C3orf49: variants seen among roughly 807,000 people sequenced by gnomAD.
The protein encoded by C3orf49 is chromosome 3 open reading frame 49, also known as putative uncharacterized protein C3orf49.
A neutral mutation model predicts 13.3 loss-of-function variants in C3orf49; 27 were observed. The ratio of observed to expected loss-of-function variants is 2.02; its 90% CI spans 1.49 to 2.79. C3orf49 has a LOEUF of 2.79. Among genes scored for constraint, C3orf49 ranks in the 30% most tolerant of loss-of-function variants. The pLI is 0.00. For synonymous variants in C3orf49, 87 were observed against 47.6 expected (o/e 1.83, Z -3.40); for missense variants, 242 against 134.2 (o/e 1.80, Z -3.97).
chr3:63,831,005 C>G (rs1701525038), intron 3 of C3orf49, 105 bp from the exon 4 acceptor site: 1 of 615,058 alleles, frequency 1.6e-6, no homozygotes, highest in South Asian at 2.0e-5. Flanking sequence ...GGCAAATGTT[C>G]AGTTTATAAG....
chr3:63,831,599 C>G (rs1701532068), intron 4 of C3orf49, 81 bp from the exon 5 acceptor site: 1 of 666,600 alleles, frequency 1.5e-6, no homozygotes, highest in South Asian at 1.7e-5. Flanking sequence ...GAACTCTTCT[C>G]TCAGGAAAAG....
the C3orf49 span, among the ~76,000 whole-genome samples, chr3:63,808,767 A>G: frequency 6.6e-6 from 1 of 152,176 alleles, no homozygotes; most frequent in African/African-American, 2.4e-5. Context: ...ATAGGGCCTC[A>G]TACCTACCCC....
At chr3:63,804,046 C>G in the C3orf49 span, among the ~76,000 whole-genome samples, 1 of 151,892 alleles carries the variant, frequency 6.6e-6, no homozygotes, top group Non-Finnish European at 1.5e-5. Flanking sequence ...ATAGGGTTCA[C>G]GCTCCTATGA....
the C3orf49 span, among the ~76,000 whole-genome samples, chr3:63,783,298 T>G: frequency 6.6e-6 from 1 of 152,160 alleles, no homozygotes; most frequent in Non-Finnish European, 1.5e-5. Context: ...ATATCCCTCT[T>G]CTTTCATAAT....
At chr3:63,843,824 C>A (rs1403190841) in intron 5 of C3orf49, among the ~76,000 whole-genome samples, 2 of 151,952 alleles carry the variant, frequency 1.3e-5, no homozygotes, top group Non-Finnish European at 2.9e-5. Context: ...TGGCGTGAAC[C>A]CGGGAGGCGG....
the C3orf49 span, among the ~76,000 whole-genome samples, chr3:63,809,260 C>T: frequency 2.0e-5 from 3 of 152,214 alleles, no homozygotes; most frequent in African/African-American, 7.2e-5. Flanking sequence ...CCCCTCCAGC[C>T]TCCAGAAGGT....
At chr3:63,798,951 A>T in the C3orf49 span, among the ~76,000 whole-genome samples, 1 of 152,186 alleles carries the variant, frequency 6.6e-6, no homozygotes, top group Non-Finnish European at 1.5e-5. Context: ...TTAATTGTCT[A>T]GTAAGTCATT....
At chr3:63,820,765 C>G (rs1001849667) in intron 1 of C3orf49, among the ~76,000 whole-genome samples, 1 of 152,132 alleles carries the variant, frequency 6.6e-6, no homozygotes, top group African/African-American at 2.4e-5. Context: ...ATGGTGCTCC[C>G]TCCTCAGGAC....
chr3:63,820,868 C>T (rs1479340024), intron 1 of C3orf49, among the ~76,000 whole-genome samples: 7 of 152,024 alleles, frequency 4.6e-5, no homozygotes, highest in African/African-American at 9.7e-5. Context: ...CATATATGTA[C>T]ATTTTGCAGA....
chr3:63,817,367 T>C (rs1325997952), upstream of C3orf49, among the ~76,000 whole-genome samples: 1 of 152,144 alleles, frequency 6.6e-6, no homozygotes, highest in East Asian at 1.9e-4. Flanking sequence ...GCATATTAAG[T>C]TATATGAGTT....
the C3orf49 span, among the ~76,000 whole-genome samples, chr3:63,806,279 C>T: frequency 6.6e-5 from 10 of 152,208 alleles, no homozygotes; most frequent in African/African-American, 1.9e-4. Context: ...CGCTTGTTAA[C>T]ACACCCTTTA....
intron 5 of C3orf49, among the ~76,000 whole-genome samples, chr3:63,844,076 T>C (rs988176100): frequency 6.6e-6 from 1 of 152,164 alleles, no homozygotes; most frequent in Non-Finnish European, 1.5e-5. Context: ...GAGAACATTA[T>C]GCTAGGTGAA....
chr3:63,791,725 T>A, the C3orf49 span, among the ~76,000 whole-genome samples: 1 of 152,210 alleles, frequency 6.6e-6, no homozygotes. Flanking sequence ...CATGCTATAT[T>A]CCAGTTGTTC....
the C3orf49 span, among the ~76,000 whole-genome samples, chr3:63,791,019 A>T: frequency 6.6e-6 from 1 of 152,156 alleles, no homozygotes; most frequent in Non-Finnish European, 1.5e-5. Context: ...TTTCATATTC[A>T]TTGAGTGGTT....
At chr3:63,800,711 A>G in the C3orf49 span, among the ~76,000 whole-genome samples, 9 of 152,146 alleles carry the variant, frequency 5.9e-5, no homozygotes, top group Non-Finnish European at 1.3e-4. Flanking sequence ...TAATTATTTT[A>G]TTAAAATTTG....
chr3:63,791,621 G>T, the C3orf49 span, among the ~76,000 whole-genome samples: 1 of 152,120 alleles, frequency 6.6e-6, no homozygotes, highest in Non-Finnish European at 1.5e-5. Context: ...GTCTGAGAGG[G>T]GGCCCTGGCA....
At chr3:63,832,417 G>C (rs932016945) in intron 5 of C3orf49, among the ~76,000 whole-genome samples, 4 of 152,140 alleles carry the variant, frequency 2.6e-5, no homozygotes, top group African/African-American at 9.7e-5. Context: ...CCAGCACTTT[G>C]GGAGGCTAAC....
At chr3:63,815,342 C>T (rs879306718), upstream of C3orf49, among the ~76,000 whole-genome samples, 11 of 152,198 alleles carry the variant, frequency 7.2e-5, no homozygotes, top group Admixed American at 2.0e-4. Context: ...TGGATCTGCA[C>T]ACTTCTGGTA....
intron 6 of C3orf49, chr3:63,846,178 C>T: frequency 2.2e-6 from 1 of 449,656 alleles, no homozygotes; most frequent in South Asian, 1.6e-5. Context: ...CAATCTACTA[C>T]TAAATATTCA....
Sources: allele counts gnomAD v4.1 joint callset (sites outside exome capture counted in the v4.1 genomes callset), GRCh38; gene constraint gnomAD v4.1.1; transcripts MANE v1.5; gene names NCBI Gene and HGNC (gene_info 2026-07-23, HGNC 2026-07-21).